DCHS2: variants seen among roughly 807,000 people sequenced by gnomAD.
The protein encoded by DCHS2 is dachsous cadherin-related 2.
A neutral mutation model predicts 182.4 loss-of-function variants in DCHS2; 142 were observed. The ratio of observed to expected loss-of-function variants is 0.78; its 90% CI spans 0.68 to 0.89. The LOEUF is 0.89. Among genes scored for constraint, DCHS2 ranks in the 40% least tolerant of loss-of-function variants. DCHS2 has a pLI of 0.00. For missense variants in DCHS2, 4,319 were observed against 4,198.6 expected, an observed-to-expected ratio of 1.03 and a Z score of -0.79; for synonymous variants, 1,740 against 1,663.3, an observed-to-expected ratio of 1.05 and a Z score of -1.12.
chr4:154,244,383 A>C (rs1301871394), intron 16 of DCHS2, among the ~76,000 whole-genome samples: 2 of 152,198 alleles, frequency 1.3e-5, no homozygotes, highest in African/African-American at 4.8e-5. Flanking sequence ...TCACATTCTA[A>C]TGTATAATTA....
At chr4:154,367,092 A>G (rs6837927) in intron 2 of DCHS2, among the ~76,000 whole-genome samples, 2,830 of 152,194 alleles carry the variant, frequency 0.019, 81 homozygotes, top group African/African-American at 0.062. Context: ...AACGTGGTGT[A>G]CCTCTCAGGC....
At chr4:154,378,618 A>G (rs532215335) in intron 1 of DCHS2, among the ~76,000 whole-genome samples, 106 of 152,228 alleles carry the variant, frequency 7.0e-4, no homozygotes, top group African/African-American at 2.4e-3. Context: ...CTTAAAGTAC[A>G]TCACATACTT....
At chr4:154,313,490 T>C (rs1019263444) in intron 10 of DCHS2, among the ~76,000 whole-genome samples, 3 of 152,176 alleles carry the variant, frequency 2.0e-5, no homozygotes, top group Admixed American at 2.0e-4. Flanking sequence ...TAAGGAACAC[T>C]GTGGTATTTT....
intron 3 of DCHS2, among the ~76,000 whole-genome samples, chr4:154,351,324 G>A (rs573291576): frequency 1.3e-5 from 2 of 152,040 alleles, no homozygotes; most frequent in South Asian, 2.1e-4. Context: ...ATTTGGAGGG[G>A]GTTGTAGTCT....
At chr4:154,335,787 T>C (rs1385267253) in intron 3 of DCHS2, among the ~76,000 whole-genome samples, 1 of 152,250 alleles carries the variant, frequency 6.6e-6, no homozygotes, top group African/African-American at 2.4e-5. Context: ...TCAAATTATG[T>C]TAGGTAAGCA....
At chr4:154,328,030 T>C (rs1370161115) in intron 7 of DCHS2, 63 bp downstream of exon 7, 3 of 1,177,040 alleles carry the variant, frequency 2.5e-6, no homozygotes, top group Non-Finnish European at 3.6e-6. Context: ...CAGAAGGGGA[T>C]AGTTGATAAA....
intron 7 of DCHS2, chr4:154,323,077 T>C: frequency 1.0e-6 from 1 of 993,576 alleles, no homozygotes; most frequent in East Asian, 2.6e-5. Context: ...CCCATCTCTC[T>C]ATTTGTCCTT....
intron 10 of DCHS2, among the ~76,000 whole-genome samples, chr4:154,307,559 C>T (rs1735495843): frequency 6.6e-6 from 1 of 152,208 alleles, no homozygotes; most frequent in South Asian, 2.1e-4. Context: ...TTCTCTCCTT[C>T]TCCAGTCCGG....
intron 13 of DCHS2, among the ~76,000 whole-genome samples, chr4:154,294,851 C>G (rs1734850478): frequency 1.3e-5 from 2 of 152,118 alleles, no homozygotes; most frequent in East Asian, 1.9e-4. Flanking sequence ...TAAGCTCTGC[C>G]TGAGGAAAGA....
chr4:154,374,071 C>G, intron 2 of DCHS2: 2 of 909,544 alleles, frequency 2.2e-6, no homozygotes, highest in South Asian at 1.8e-5. Flanking sequence ...AGAAAAGACA[C>G]CTGGATTAAA....
intron 3 of DCHS2, chr4:154,352,467 G>A (rs552512286): frequency 3.8e-4 from 58 of 152,288 alleles, no homozygotes; most frequent in African/African-American, 1.2e-3. Flanking sequence ...CTTTGTAAAT[G>A]TTCCCAATTT....
At position 154,390,406 on chromosome 4, in the gene DCHS2, C is replaced by T. The variant is rs886828485; in HGVS notation, c.2053-12962G>A. The stretch of plus-strand genomic sequence containing the variant: ...TTGCGATAGTTTGATACTCTTAATC[C>T]TGTGGCCAAAGAATACATGGAAATA... On this transcript the variant is annotated intron_variant, in intron 1 of 19. Transcript: ENST00000357232. Among the ~76,000 whole-genome samples, 11 of 151,662 alleles carry T rather than the reference C, an allele frequency of 7.3e-5. No homozygotes were observed. In the East Asian group the frequency reaches 2.1e-3, roughly 29 times the overall value.
At chr4:154,332,098 A>C (rs1736559987) in intron 5 of DCHS2, among the ~76,000 whole-genome samples, 1 of 152,202 alleles carries the variant, frequency 6.6e-6, no homozygotes, top group South Asian at 2.1e-4. Context: ...AATGTCTACA[A>C]ATGGAAAAGG....
intron 13 of DCHS2, among the ~76,000 whole-genome samples, chr4:154,276,802 C>T (rs1360872514): frequency 6.6e-6 from 1 of 152,218 alleles, no homozygotes; most frequent in Non-Finnish European, 1.5e-5. Context: ...GTTAAGAAGT[C>T]ATGGGACACC....
intron 13 of DCHS2, among the ~76,000 whole-genome samples, chr4:154,285,760 C>A (rs1734365435): frequency 6.6e-6 from 1 of 152,088 alleles, no homozygotes; most frequent in South Asian, 2.1e-4. Context: ...TCCTGACTTT[C>A]TGATGACATC....
intron 19 of DCHS2, among the ~76,000 whole-genome samples, chr4:154,238,966 C>A (rs892320647): frequency 6.6e-6 from 1 of 152,056 alleles, no homozygotes; most frequent in African/African-American, 2.4e-5. Flanking sequence ...TGCTTTCCAG[C>A]CACTGAGATG....
At position 154,255,658 on chromosome 4, in the gene DCHS2, C is replaced by T. The variant is rs781236298; in HGVS notation, c.6802G>A (p.Asp2268Asn). 16 of 1,612,208 alleles carry T rather than the reference C, an allele frequency of 9.9e-6. No homozygotes were observed. The highest frequency in any genetic ancestry group is 4.5e-5 in the East Asian group (2 of 44,766). ...NAHVIQVFAT[D>N]LDSGLNGLIE... ...AGGCCGTTCAAACCACTGTCCAAGT[C>T]GGTAGCAAAAACCTGTGAGGAACCG... The change falls in exon 16 of 20, where the codon GAC (aspartate) becomes AAC (asparagine). Residue 2268 changes from aspartate (D) to asparagine (N), a missense_variant. By Grantham distance (23) the Asp-to-Asn change is conservative. Coordinates refer to ENST00000357232, the MANE Select transcript of DCHS2 (RefSeq NM_001358235.2).
chr4:154,244,264 G>A (rs1484244056), intron 16 of DCHS2, among the ~76,000 whole-genome samples: 1 of 152,114 alleles, frequency 6.6e-6, no homozygotes, highest in Non-Finnish European at 1.5e-5. Flanking sequence ...TTTCCCCAAG[G>A]TTATACATAC....
chr4:154,400,346 T>C (rs1326825148), intron 1 of DCHS2, among the ~76,000 whole-genome samples: 3 of 147,742 alleles, frequency 2.0e-5, no homozygotes, highest in African/African-American at 7.4e-5. Context: ...CTAGCCCTTA[T>C]TGTTTGATGA....
Sources: allele counts gnomAD v4.1 joint callset (sites outside exome capture counted in the v4.1 genomes callset), GRCh38; gene constraint gnomAD v4.1.1; transcripts MANE v1.5; gene names NCBI Gene and HGNC (gene_info 2026-07-23, HGNC 2026-07-21).